Variants in MAT1A observed in about 807,000 individuals in gnomAD.
MAT1A encodes the protein S-adenosylmethionine synthase isoform type-1.
MAT1A carries 19 observed loss-of-function variants against 44.0 expected under a neutral mutation model. That is an observed-to-expected ratio of 0.43 (90% CI 0.30 to 0.63). The LOEUF is 0.63. Ranked by LOEUF, MAT1A falls within the 30% of genes least tolerant of loss-of-function variation. The probability of loss-of-function intolerance (pLI) is 0.12; values close to 1 mark genes in which losing one functional copy is unlikely to be tolerated. For synonymous variants in MAT1A, 205 were observed against 205.6 expected (o/e 1.00, Z 0.03); for missense variants, 397 against 531.0 (o/e 0.75, Z 2.48).
chr10:80,283,654 G>A (rs1479563985), intron 3 of MAT1A, among the ~76,000 whole-genome samples: 1 of 152,270 alleles, frequency 6.6e-6, no homozygotes, highest in African/African-American at 2.4e-5. Context: ...CAAAGCCTTT[G>A]GCAGCGCCAA....
Position 80,285,601 on chromosome 10 carries a change from C to T in MAT1A, c.92-12G>A, listed in dbSNP as rs1841639557. On this transcript the variant is annotated splice_polypyrimidine_tract_variant and intron_variant, in intron 1 of 8. Transcript: ENST00000372213. ...GTCACAGATCTTATCTGGACAAGAG[C>T]AAATATGGGTCAGAATCACAAAAAT... 6.4e-7 allele frequency: 1 copy of T among 1,572,086 alleles called. No homozygotes were observed. Among genetic ancestry groups the T allele is most frequent in the East Asian group, 2.2e-5 (1 of 44,714 alleles).
At chr10:80,275,228 A>C in intron 6 of MAT1A, 29 bp from the exon 7 acceptor site, 1 of 1,593,646 alleles carries the variant, frequency 6.3e-7, no homozygotes, top group Non-Finnish European at 8.6e-7. Flanking sequence ...CAAGATAAGA[A>C]GCAGAGCCAG....
At chr10:80,274,820 G>A (rs1841461178) in intron 7 of MAT1A, among the ~76,000 whole-genome samples, 167 bp from the exon 8 acceptor site, 2 of 152,120 alleles carry the variant, frequency 1.3e-5, no homozygotes, top group Non-Finnish European at 2.9e-5. Flanking sequence ...TCTTCTACAC[G>A]CCTCTCTCCC....
chr10:80,278,538 A>G (rs939570591), intron 5 of MAT1A, among the ~76,000 whole-genome samples: 1 of 152,122 alleles, frequency 6.6e-6, no homozygotes, highest in Admixed American at 6.5e-5. Context: ...TGCCATCACG[A>G]TCTACATGTT....
At chr10:80,281,108 C>A (rs1164244387) in intron 3 of MAT1A, among the ~76,000 whole-genome samples, 1 of 152,200 alleles carries the variant, frequency 6.6e-6, no homozygotes, top group African/African-American at 2.4e-5. Flanking sequence ...GATGCCAAGG[C>A]TCCTCTGGCT....
At chr10:80,285,434 GT>G in intron 2 of MAT1A, 77 bp downstream of exon 2, 2 of 1,201,794 alleles carry the variant, frequency 1.7e-6, no homozygotes, top group South Asian at 2.5e-5. Flanking sequence ...AGTATGGCTC[GT>G]TTGTCTTATA....
chr10:80,275,431 A>G (rs1484004984), intron 6 of MAT1A: 2 of 585,988 alleles, frequency 3.4e-6, no homozygotes, highest in Admixed American at 5.6e-5. Context: ...CAAGTGCAGA[A>G]GGTGGGCCAG....
intron 3 of MAT1A, among the ~76,000 whole-genome samples, chr10:80,283,529 C>T (rs1388832584): frequency 2.0e-5 from 3 of 152,256 alleles, no homozygotes; most frequent in Non-Finnish European, 4.4e-5. Flanking sequence ...TCCATTTCCT[C>T]GTCTGCATAA....
At chr10:80,288,919 T>G (rs1841683762) in intron 1 of MAT1A, among the ~76,000 whole-genome samples, 1 of 152,232 alleles carries the variant, frequency 6.6e-6, no homozygotes, top group South Asian at 2.1e-4. Context: ...CACGGCTTCA[T>G]CAGGAGGGAC....
At chr10:80,286,685 C>T (rs1330196991) in intron 1 of MAT1A, among the ~76,000 whole-genome samples, 4 of 152,200 alleles carry the variant, frequency 2.6e-5, no homozygotes, top group Non-Finnish European at 4.4e-5. Flanking sequence ...TGGGGTTATG[C>T]AAACTGTCAA....
At chr10:80,285,655 A>G (rs1841640345) in intron 1 of MAT1A, 66 bp from the exon 2 acceptor site, 1 of 1,061,052 alleles carries the variant, frequency 9.4e-7, no homozygotes. Context: ...AAATCTTAAA[A>G]TAATTAGATA....
intron 2 of MAT1A, among the ~76,000 whole-genome samples, chr10:80,284,264 C>A (rs893934961): frequency 6.6e-6 from 1 of 152,182 alleles, no homozygotes; most frequent in African/African-American, 2.4e-5. Context: ...AAGCTGTGAT[C>A]CTGGACAACT....
At position 80,276,388 on chromosome 10, in the gene MAT1A, G is replaced by A. The variant is rs752764990; in HGVS notation, c.756C>T (p.Ile252=). 9.3e-6 allele frequency: 15 copies of A among 1,613,996 alleles called. No homozygotes were observed. The highest frequency in any genetic ancestry group is 6.7e-5 in the East Asian group (3 of 44,904). The change falls in exon 6 of 9, where the codon ATC becomes ATT. Residue 252 remains isoleucine (I), a synonymous_variant. Transcript: ENST00000372213. ...YHLQPSGRFV[I]GGPQGDAGVT... is the part of the protein sequence containing the mutation. ...GACAAGAATGCACCTGGGGACCTCC[G>A]ATGACAAACCGCCCACTGGGCTGCA...
Position 80,271,956 on chromosome 10 carries a change from C to T in MAT1A, c.*1825G>A, listed in dbSNP as rs1841414301. 6.6e-6 allele frequency: 1 copy of T among 152,086 alleles called. No homozygotes were observed. 9.4% of individuals were successfully genotyped at this position (152,086 alleles called of 1,614,324 possible). A position where few individuals can be genotyped will look rare whatever the true frequency, so the allele number is the denominator to read the frequency against. On this transcript the variant is annotated 3_prime_UTR_variant, in exon 9 of 9. Coordinates refer to ENST00000372213, the MANE Select transcript of MAT1A (RefSeq NM_000429.3). ...GGGAAAGTATAAAATTCTGAATTTT[C>T]ATGTCGAGTGTGAGCCAAGTTAGAG...
chr10:80,278,050 T>G lies in MAT1A; in HGVS notation c.550-1456A>C, dbSNP rs142362051. Among the ~76,000 whole-genome samples, 461 of 152,232 alleles carry G rather than the reference T, an allele frequency of 3.0e-3. 3 individuals are homozygous for G. The highest frequency in any genetic ancestry group is 0.011 in the African/African-American group (446 of 41,558). ...AGCTGTGCCTGGCCCAGGGCCTCTC[T>G]CATGGAGGGAGTGTCTAGAGCAAGC... is the stretch of plus-strand genomic sequence containing the variant. On this transcript the variant is annotated intron_variant, in intron 5 of 8. Transcript: ENST00000372213.
chr10:80,275,364 C>A, intron 6 of MAT1A, 165 bp from the exon 7 acceptor site: 1 of 668,396 alleles, frequency 1.5e-6, no homozygotes, highest in Non-Finnish European at 2.7e-6. Flanking sequence ...GGACTCCACT[C>A]CCAGCTCAGT....
At chr10:80,276,877 A>G (rs1180785077) in intron 5 of MAT1A, among the ~76,000 whole-genome samples, 2 of 152,146 alleles carry the variant, frequency 1.3e-5, no homozygotes, top group East Asian at 3.9e-4. Flanking sequence ...GACCCACTAC[A>G]TGTCTCCTCT....
chr10:80,285,585 C>G lies in MAT1A; in HGVS notation c.96G>C (p.Lys32Asn). The change falls in exon 2 of 9, where the codon AAG (lysine) becomes AAC (asparagine). Residue 32 changes from lysine to asparagine, a missense_variant. Transcript: ENST00000372213. ...SESVGEGHPDKICDQISDAVL... is the reference protein window; with the variant it reads ...SESVGEGHPDNICDQISDAVL... ...CTGCATCACTGATCTGGTCACAGAT[C>G]TTATCTGGACAAGAGCAAATATGGG... 1 of 1,611,962 alleles carries G rather than the reference C, an allele frequency of 6.2e-7. No homozygotes were observed. Among genetic ancestry groups the G allele is most frequent in the Non-Finnish European group, 8.5e-7 (1 of 1,178,018 alleles).
intron 1 of MAT1A, among the ~76,000 whole-genome samples, chr10:80,288,782 T>TA (rs374544018): frequency 1.3e-3 from 201 of 148,998 alleles, no homozygotes; most frequent in African/African-American, 3.4e-3. Flanking sequence ...AAAGCTTTCC[T>TA]AAAAAAAAAA....
Sources: allele counts gnomAD v4.1 joint callset (sites outside exome capture counted in the v4.1 genomes callset), GRCh38; gene constraint gnomAD v4.1.1; transcripts MANE v1.5; gene names NCBI Gene and HGNC (gene_info 2026-07-23, HGNC 2026-07-21).